The following TRABD2B variants were observed in gnomAD, a reference collection of about 807,000 sequenced individuals.
TRABD2B encodes the protein metalloprotease TIKI2.
Under a neutral mutation model 40.1 loss-of-function variants are expected in TRABD2B, and 14 were observed. The ratio of observed to expected loss-of-function variants is 0.35; its 90% CI spans 0.23 to 0.55. The LOEUF (loss-of-function observed/expected upper bound fraction) is 0.55. Ranked by LOEUF, TRABD2B falls within the 20% of genes least tolerant of loss-of-function variation. The pLI is 0.90. For missense variants in TRABD2B, 541 were observed against 648.6 expected, an observed-to-expected ratio of 0.83 and a Z score of 1.80; for synonymous variants, 263 against 277.0, an observed-to-expected ratio of 0.95 and a Z score of 0.50.
intron 2 of TRABD2B, among the ~76,000 whole-genome samples, chr1:47,856,787 C>T (rs1643896254): frequency 1.3e-5 from 2 of 152,252 alleles, no homozygotes; most frequent in Admixed American, 1.3e-4. Context: ...TTTTATCCCA[C>T]TCCTTCTCAG....
intron 2 of TRABD2B, among the ~76,000 whole-genome samples, chr1:47,953,244 T>C (rs866514166): frequency 1.3e-5 from 2 of 152,128 alleles, no homozygotes; most frequent in Non-Finnish European, 2.9e-5. Context: ...TGGGGCAACT[T>C]TGAGAAAGAA....
intron 2 of TRABD2B, among the ~76,000 whole-genome samples, chr1:47,823,584 G>C (rs762400694): frequency 1.3e-5 from 2 of 152,224 alleles, no homozygotes; most frequent in Non-Finnish European, 2.9e-5. Flanking sequence ...TGTGTTTGCT[G>C]GGGCTGTCAG....
At chr1:47,923,656 T>G (rs749474243) in intron 2 of TRABD2B, among the ~76,000 whole-genome samples, 3 of 152,230 alleles carry the variant, frequency 2.0e-5, no homozygotes, top group Non-Finnish European at 4.4e-5. Context: ...GGGTGAATAT[T>G]TAAATCAGTA....
chr1:47,966,217 C>G (rs544075920), intron 2 of TRABD2B, among the ~76,000 whole-genome samples: 9 of 152,118 alleles, frequency 5.9e-5, no homozygotes, highest in Admixed American at 6.6e-5. Context: ...CCTTAGGAAC[C>G]CTGGCACTGC....
At chr1:47,938,182 C>A (rs946546075) in intron 2 of TRABD2B, among the ~76,000 whole-genome samples, 1 of 152,190 alleles carries the variant, frequency 6.6e-6, no homozygotes, top group Non-Finnish European at 1.5e-5. Flanking sequence ...ATGTATAGTC[C>A]ATTAGCAGGA....
chr1:47,897,609 T>C (rs4927198), intron 2 of TRABD2B, among the ~76,000 whole-genome samples: 73,750 of 152,040 alleles, frequency 0.49, 19,895 homozygotes, highest in South Asian at 0.66. Flanking sequence ...CCACCATATC[T>C]CAGATCCTGT....
chr1:47,933,583 T>C (rs1373699483), intron 2 of TRABD2B, among the ~76,000 whole-genome samples: 1 of 152,198 alleles, frequency 6.6e-6, no homozygotes, highest in African/African-American at 2.4e-5. Context: ...TTGATGTATA[T>C]AAATAGCAGC....
At chr1:47,811,170 G>A (rs913619984) in intron 2 of TRABD2B, among the ~76,000 whole-genome samples, 1 of 152,118 alleles carries the variant, frequency 6.6e-6, no homozygotes, top group African/African-American at 2.4e-5. Context: ...CGTGGGGGGA[G>A]CTGTGTTGAT....
chr1:47,961,870 C>T (rs184559396), intron 2 of TRABD2B, among the ~76,000 whole-genome samples: 21 of 152,302 alleles, frequency 1.4e-4, no homozygotes, highest in African/African-American at 4.6e-4. Flanking sequence ...TGGGTATATA[C>T]CCAAAGGATT....
At chr1:47,866,880 C>T (rs1430728315) in intron 2 of TRABD2B, among the ~76,000 whole-genome samples, 1 of 152,200 alleles carries the variant, frequency 6.6e-6, no homozygotes, top group Non-Finnish European at 1.5e-5. Flanking sequence ...TAGAAATGAG[C>T]TACTAATGGA....
chr1:47,851,791 T>C (rs1424033246), intron 2 of TRABD2B, among the ~76,000 whole-genome samples: 1 of 152,226 alleles, frequency 6.6e-6, no homozygotes, highest in Non-Finnish European at 1.5e-5. Context: ...TGCATCACTG[T>C]CCTGGGCCTT....
intron 4 of TRABD2B, among the ~76,000 whole-genome samples, chr1:47,787,737 A>C (rs182468203): frequency 6.6e-6 from 1 of 152,218 alleles, no homozygotes; most frequent in Non-Finnish European, 1.5e-5. Flanking sequence ...ATGTAGAAGC[A>C]GGCAGCATTT....
intron 2 of TRABD2B, among the ~76,000 whole-genome samples, chr1:47,938,225 C>T (rs1056429090): frequency 3.3e-5 from 5 of 152,056 alleles, no homozygotes; most frequent in Admixed American, 2.0e-4. Flanking sequence ...TACAGGTGAG[C>T]GGGGTTCAAC....
At chr1:47,836,815 G>A (rs983814102) in intron 2 of TRABD2B, among the ~76,000 whole-genome samples, 6 of 152,190 alleles carry the variant, frequency 3.9e-5, no homozygotes, top group Admixed American at 3.9e-4. Context: ...TGAGGACACA[G>A]CTAGAAGACT....
intron 2 of TRABD2B, among the ~76,000 whole-genome samples, chr1:47,826,676 C>A (rs1044547863): frequency 6.6e-6 from 1 of 152,090 alleles, no homozygotes; most frequent in African/African-American, 2.4e-5. Flanking sequence ...TGGGCTCAAG[C>A]AATCCTCCTG....
At chr1:47,786,920 G>A (rs1322294614) in intron 4 of TRABD2B, among the ~76,000 whole-genome samples, 1 of 152,054 alleles carries the variant, frequency 6.6e-6, no homozygotes, top group African/African-American at 2.4e-5. Flanking sequence ...GCCCAGGCTG[G>A]TCTCAAACTC....
At chr1:47,784,596 G>A (rs2124142120) in intron 4 of TRABD2B, among the ~76,000 whole-genome samples, 1 of 152,322 alleles carries the variant, frequency 6.6e-6, no homozygotes, top group Middle Eastern at 3.4e-3. Flanking sequence ...TAATGCAAGG[G>A]AAACTTTCAA....
In TRABD2B at chr1:47,765,948, G is replaced by C; in HGVS notation, c.1508C>G (p.Thr503Ser). The change falls in exon 7 of 7, where the codon ACC becomes AGC. Residue 503 changes from threonine to serine, a missense_variant. Coordinates refer to ENST00000606738, the MANE Select transcript of TRABD2B (RefSeq NM_001194986.2). The stretch of plus-strand genomic sequence containing the variant: ...CAGCAGGAAGCAGACAGCGATGGTG[G>C]TGGCGATGGCGGGGAGAAGGCCCAG... ...PTLGLLPAIA[T>S]TIAVCFLLHS... The C allele has an allele frequency of 1.4e-6, 1 of 702,990 alleles. No individual in the cohort carries two copies. The highest frequency in any genetic ancestry group is 2.6e-6 in the Non-Finnish European group (1 of 384,980). The allele number at this position is 702,990 out of a possible 1,614,324, so 43.5% of individuals were successfully genotyped here. A position where few individuals can be genotyped will look rare whatever the true frequency, so the allele number is the denominator to read the frequency against.
intron 2 of TRABD2B, among the ~76,000 whole-genome samples, chr1:47,906,090 C>T (rs190234700): frequency 3.9e-5 from 6 of 152,162 alleles, no homozygotes; most frequent in African/African-American, 9.7e-5. Flanking sequence ...CTCAGGCCTG[C>T]GGCAGAGCTG....
Sources: allele counts gnomAD v4.1 joint callset (sites outside exome capture counted in the v4.1 genomes callset), GRCh38; gene constraint gnomAD v4.1.1; transcripts MANE v1.5; gene names NCBI Gene and HGNC (gene_info 2026-07-23, HGNC 2026-07-21).